Variants in CSMD1 observed in about 807,000 individuals in gnomAD.
The protein encoded by CSMD1 is CUB and Sushi multiple domains 1, also known as CUB and sushi domain-containing protein 1.
In CSMD1, 213 loss-of-function variants were observed where a neutral mutation model predicts 417.5. That is an observed-to-expected ratio of 0.51 (90% CI 0.46 to 0.57). CSMD1 has a LOEUF of 0.57. CSMD1 is among the 20% of genes least tolerant of loss of function. CSMD1 has a pLI of 0.00. For synonymous variants in CSMD1, 2,862 were observed against 1,736.8 expected, an observed-to-expected ratio of 1.65 and a Z score of -16.11; for missense variants, 6,923 against 4,529.7, an observed-to-expected ratio of 1.53 and a Z score of -15.17.
chr8:3,780,512 T>C (rs932069288), intron 5 of CSMD1, among the ~76,000 whole-genome samples: 1 of 152,164 alleles, frequency 6.6e-6, no homozygotes, highest in Non-Finnish European at 1.5e-5. Context: ...TCAAGTCAAT[T>C]TTTGTGGTAC....
chr8:3,739,408 T>A (rs779004353), intron 6 of CSMD1, among the ~76,000 whole-genome samples: 12 of 152,226 alleles, frequency 7.9e-5, no homozygotes, highest in Non-Finnish European at 1.5e-4. Context: ...GGATTTAGAA[T>A]GTTCCCAACA....
chr8:4,789,807 G>T (rs1214998082), intron 1 of CSMD1, among the ~76,000 whole-genome samples: 1 of 152,170 alleles, frequency 6.6e-6, no homozygotes. Flanking sequence ...TGCCATTTTG[G>T]TTCTTGCTAT....
At chr8:4,193,786 A>T (rs1332308304) in intron 3 of CSMD1, among the ~76,000 whole-genome samples, 2 of 152,106 alleles carry the variant, frequency 1.3e-5, no homozygotes, top group Non-Finnish European at 2.9e-5. Context: ...GACAGGGATG[A>T]CATCGAAGGA....
rs1479353911 is a variant in CSMD1 at position 4,266,171 on chromosome 8, C to A, written c.415+153782G>T. ...AGCTACTCATCTACCACCAAAAACC[C>A]AGTGTTATTCACCAAGTTGGAGGTT... On this transcript the variant is annotated intron_variant, in intron 3 of 69. Coordinates refer to ENST00000635120, the MANE Select transcript of CSMD1 (RefSeq NM_033225.6). Among the ~76,000 whole-genome samples the A allele has an allele frequency of 6.7e-5, 7 of 104,460 alleles. 1 individual carries two copies. Among genetic ancestry groups the A allele is most frequent in the African/African-American group, 1.8e-4 (7 of 38,286 alleles). The allele number at this position is 104,460 out of a possible 152,430, so 68.5% of individuals were successfully genotyped here.
In CSMD1 at chr8:3,623,697, C is replaced by T. The variant is rs182179297; in HGVS notation, c.1010-6900G>A. On this transcript the variant is annotated intron_variant, in intron 7 of 69. Coordinates refer to ENST00000635120, the MANE Select transcript of CSMD1 (RefSeq NM_033225.6). Reference sequence around the variant, plus strand: ...GTTAAGAATGAGCTGACTCCAGGGCCGGGCGTGGGGGCTCATGCCTGTAAT... The same window carrying T: ...GTTAAGAATGAGCTGACTCCAGGGCTGGGCGTGGGGGCTCATGCCTGTAAT... 3.1e-3 allele frequency among the ~76,000 whole-genome samples: 465 copies of T among 152,130 alleles called. 2 individuals carry two copies. The highest frequency in any genetic ancestry group is 0.011 in the African/African-American group (449 of 41,504).
intron 12 of CSMD1, among the ~76,000 whole-genome samples, chr8:3,461,987 T>C (rs1023182867): frequency 1.1e-4 from 16 of 152,106 alleles, no homozygotes; most frequent in African/African-American, 3.6e-4. Context: ...GAGTGTGTGT[T>C]ACACGTGTTC....
intron 42 of CSMD1, among the ~76,000 whole-genome samples, chr8:3,111,076 G>A (rs1187152546): frequency 6.6e-6 from 1 of 152,088 alleles, no homozygotes; most frequent in Non-Finnish European, 1.5e-5. Flanking sequence ...ATAAAACTTT[G>A]AACTCTGAAA....
chr8:3,119,384 T>TAAA (rs34060531), intron 41 of CSMD1, among the ~76,000 whole-genome samples: 1,781 of 88,202 alleles, frequency 0.02, 336 homozygotes, highest in Non-Finnish European at 0.031. Context: ...AGTCTTTTTC[T>TAAA]AAAAAAAAAA....
At position 4,364,695 on chromosome 8, in the gene CSMD1, G is replaced by A. The variant is rs1235770695; in HGVS notation, c.415+55258C>T. The stretch of plus-strand genomic sequence containing the variant: ...AAAAAATTAGCCGGGCGTAGTGGCG[G>A]GCGCCTGTAGTCCCAGCTACTTGGG... On this transcript the variant is annotated intron_variant, in intron 3 of 69. Transcript: ENST00000635120. Among the ~76,000 whole-genome samples, 17 of 58,632 alleles carry A rather than the reference G, an allele frequency of 2.9e-4. 5 individuals carry two copies. The highest frequency in any genetic ancestry group is 2.9e-3 in the Admixed American group (17 of 5,902). 38.5% of individuals were successfully genotyped at this position (58,632 alleles called of 152,430 possible). A position where few individuals can be genotyped will look rare whatever the true frequency, so the allele number is the denominator to read the frequency against.
rs548341868 is a variant in CSMD1, at chr8:4,040,641, G to A, written c.416-8542C>T. On this transcript the variant is annotated intron_variant, in intron 3 of 69. Coordinates refer to ENST00000635120, the MANE Select transcript of CSMD1 (RefSeq NM_033225.6). ...ACGATGTTTTCTTAGGTAGAATGGA[G>A]GGCACAACCATAACATAGTTTTAAA... Among the ~76,000 whole-genome samples the A allele has an allele frequency of 1.6e-4, 25 of 152,238 alleles. No individual in the cohort carries two copies. The South Asian group carries it at 5.2e-3, about 32-fold the overall frequency.
chr8:3,818,499 G>C (rs984631406), intron 5 of CSMD1, among the ~76,000 whole-genome samples: 9 of 152,138 alleles, frequency 5.9e-5, no homozygotes, highest in African/African-American at 2.2e-4. Flanking sequence ...TTAGGCATGA[G>C]AGATACAACT....
chr8:4,943,922 G>A (rs1310624618), intron 1 of CSMD1, among the ~76,000 whole-genome samples: 1 of 152,206 alleles, frequency 6.6e-6, no homozygotes, highest in East Asian at 1.9e-4. Context: ...GGAGGGCCGA[G>A]CTGGATATTG....
chr8:3,778,863 A>G (rs1277332896), intron 5 of CSMD1, among the ~76,000 whole-genome samples: 4 of 152,160 alleles, frequency 2.6e-5, no homozygotes, highest in Non-Finnish European at 5.9e-5. Context: ...TTGAGAAAAC[A>G]TGCTGCTTGC....
intron 3 of CSMD1, among the ~76,000 whole-genome samples, chr8:4,346,273 A>G (rs1206240681): frequency 2.0e-5 from 3 of 152,320 alleles, no homozygotes; most frequent in South Asian, 2.1e-4. Flanking sequence ...ATAATATTTC[A>G]TAGCACATGA....
chr8:4,949,557 C>G (rs1248094871), intron 1 of CSMD1, among the ~76,000 whole-genome samples: 1 of 152,152 alleles, frequency 6.6e-6, no homozygotes, highest in African/African-American at 2.4e-5. Flanking sequence ...TGTTGCATGT[C>G]ACATCTGGTA....
At position 4,009,260 on chromosome 8, in the gene CSMD1, G is replaced by C. The variant is rs148464482; in HGVS notation, c.611-11150C>G. On this transcript the variant is annotated intron_variant, in intron 4 of 69. Transcript: ENST00000635120. ...TTCTATTTCCTCCCAAGTAATTTCA[G>C]ACTTTTTAAAAAAGTGTATTTCTCA... Among the ~76,000 whole-genome samples, 82 of 152,234 alleles carry C rather than the reference G, an allele frequency of 5.4e-4. 1 individual carries two copies. The highest frequency in any genetic ancestry group is 1.9e-3 in the African/African-American group (77 of 41,530).
At chr8:3,822,595 TC>T (rs1801801078) in intron 5 of CSMD1, among the ~76,000 whole-genome samples, 2 of 152,192 alleles carry the variant, frequency 1.3e-5, no homozygotes, top group South Asian at 4.1e-4. Flanking sequence ...GTAACTTTTT[TC>T]TCTGGGCACC....
At chr8:2,977,664 C>T (rs1261802156) in intron 55 of CSMD1, among the ~76,000 whole-genome samples, 3 of 152,092 alleles carry the variant, frequency 2.0e-5, no homozygotes, top group African/African-American at 7.2e-5. Context: ...GGATGAAAAT[C>T]GTTGCAATCT....
At chr8:3,820,429 G>A (rs552497741) in intron 5 of CSMD1, among the ~76,000 whole-genome samples, 3 of 152,116 alleles carry the variant, frequency 2.0e-5, no homozygotes, top group Admixed American at 6.5e-5. Context: ...GCCTACACAG[G>A]GTCAGGACAA....
Sources: gnomAD v4.1 joint callset for allele counts (sites outside exome capture counted in the v4.1 genomes callset) on GRCh38, gnomAD v4.1.1 for gene constraint, MANE v1.5 for transcripts, NCBI Gene and HGNC (gene_info 2026-07-23, HGNC 2026-07-21) for gene names.